The following EXD3 variants were observed in gnomAD, a reference collection of about 807,000 sequenced individuals.
The protein encoded by EXD3 is exonuclease mut-7 homolog.
Under a neutral mutation model 98.0 loss-of-function variants are expected in EXD3, and 92 were observed. That is an observed-to-expected ratio of 0.94 (90% confidence interval 0.79 to 1.12). The LOEUF is 1.12. Among genes scored for constraint, EXD3 ranks in the 50% most tolerant of loss-of-function variants. The pLI, the probability that EXD3 is intolerant of heterozygous loss-of-function variation, is 0.00. For missense variants in EXD3, 1,222 were observed against 1,191.6 expected (o/e 1.03, Z -0.38); for synonymous variants, 569 against 526.0 (o/e 1.08, Z -1.12).
At chr9:137,388,234 C>T (rs1489290150) in intron 2 of EXD3, among the ~76,000 whole-genome samples, 1 of 152,164 alleles carries the variant, frequency 6.6e-6, no homozygotes, top group African/African-American at 2.4e-5. Flanking sequence ...CAAAACGTGC[C>T]TGGGAGGGCT....
At chr9:137,420,465 T>A (rs1838459704) in intron 1 of EXD3, among the ~76,000 whole-genome samples, 1 of 152,242 alleles carries the variant, frequency 6.6e-6, no homozygotes, top group South Asian at 2.1e-4. Flanking sequence ...TCAGTAAGAA[T>A]CTGTTGTCCT....
intron 1 of EXD3, among the ~76,000 whole-genome samples, chr9:137,414,958 G>C (rs1838169181): frequency 6.6e-6 from 1 of 152,168 alleles, no homozygotes; most frequent in South Asian, 2.1e-4. Context: ...GGCGATCTCG[G>C]CTCACTGCAA....
intron 1 of EXD3, among the ~76,000 whole-genome samples, chr9:137,404,670 G>A (rs1171093712): frequency 1.3e-5 from 2 of 152,202 alleles, no homozygotes; most frequent in African/African-American, 4.8e-5. Flanking sequence ...AGACCAGCCT[G>A]ACCAACATGG....
rs538741617 is a variant in EXD3 at position 137,345,495 on chromosome 9, G to A, written c.1998+2576C>T. 3.9e-5 allele frequency among the ~76,000 whole-genome samples: 6 copies of A among 152,036 alleles called. 1 individual carries two copies. The highest frequency in any genetic ancestry group is 1.3e-4 in the Admixed American group (2 of 15,256). ...TGACCAACATGGAGAAACCCTGTCT[G>A]TACTAAAAATACAAAAATTAGTTGG... On this transcript the variant is annotated intron_variant, in intron 17 of 21. Transcript: ENST00000340951.
chr9:137,317,255 G>A lies in EXD3; in HGVS notation c.2184+6470C>T, dbSNP rs1409042763. 3.3e-5 allele frequency among the ~76,000 whole-genome samples: 5 copies of A among 152,144 alleles called. No individual in the cohort carries two copies. In the South Asian group the frequency reaches 8.3e-4, roughly 25 times the overall value. On this transcript the variant is annotated intron_variant, in intron 19 of 21. Coordinates refer to ENST00000340951, the MANE Select transcript of EXD3 (RefSeq NM_017820.5). ...GTTGGATGGGCAAAATGTGGCGACT[G>A]GACACAGACCCTACCTTGTCACCCT... is the stretch of plus-strand genomic sequence containing the variant.
Position 137,360,054 on chromosome 9 carries a change from T to A in EXD3, c.657-3686A>T, listed in dbSNP as rs73668257. 2.3e-5 allele frequency among the ~76,000 whole-genome samples: 2 copies of A among 86,434 alleles called. 1 individual carries two copies. The highest frequency in any genetic ancestry group is 5.7e-5 in the Non-Finnish European group (2 of 35,262). 56.7% of individuals were successfully genotyped at this position (86,434 alleles called of 152,430 possible). On this transcript the variant is annotated intron_variant, in intron 7 of 21. Coordinates refer to ENST00000340951, the MANE Select transcript of EXD3 (RefSeq NM_017820.5). Reference sequence around the variant, plus strand: ...GGGTTCTGGTTGCTCCATGTCCTTGTCACCACTTGGTATGTTCGACTTTTA... The same window carrying A: ...GGGTTCTGGTTGCTCCATGTCCTTGACACCACTTGGTATGTTCGACTTTTA...
At chr9:137,341,093 G>T (rs1190224055) in intron 17 of EXD3, among the ~76,000 whole-genome samples, 2 of 152,152 alleles carry the variant, frequency 1.3e-5, no homozygotes, top group Non-Finnish European at 1.5e-5. Flanking sequence ...AAGCAGGAGG[G>T]TCGCTCGAGG....
intron 5 of EXD3, among the ~76,000 whole-genome samples, chr9:137,370,932 C>T (rs531783482): frequency 3.3e-5 from 5 of 152,284 alleles, no homozygotes; most frequent in Admixed American, 6.5e-5. Context: ...CATGAAATAT[C>T]GCAGCACATT....
At chr9:137,313,709 A>G (rs1429604657) in intron 19 of EXD3, among the ~76,000 whole-genome samples, 1 of 152,074 alleles carries the variant, frequency 6.6e-6, no homozygotes, top group Non-Finnish European at 1.5e-5. Flanking sequence ...GGGATTTCCA[A>G]CCCTGCAGGC....
rs1217321295 is a variant in EXD3, at chr9:137,395,320, C to A, written c.38G>T (p.Gly13Val). 6.2e-7 allele frequency: 1 copy of A among 1,613,450 alleles called. No individual in the cohort carries two copies. Residue 13 changes from glycine (G) to valine (V), a missense_variant, in exon 2 of 22, where the codon GGC (glycine) becomes GTC (valine). By Grantham distance (109) the Gly-to-Val change is moderately radical. Transcript: ENST00000340951. This position sits in a 1 kb window ranked among gnomAD's most constrained non-coding sequence, Gnocchi z 6.5. ...AGACTCACCCATGCGGTGGCGCTCG[C>A]CAGCGGCAGGGTCACCAGCGGGATC... ...PGDPAGDPAA[G>V]ERHRMGRDPL...
intron 7 of EXD3, chr9:137,365,948 C>T (rs1454229492): frequency 2.1e-6 from 1 of 478,462 alleles, no homozygotes; most frequent in Non-Finnish European, 4.1e-6. Flanking sequence ...CAAACGTGCA[C>T]ACACGCACAT....
At chr9:137,333,688 T>G (rs937379005) in intron 17 of EXD3, among the ~76,000 whole-genome samples, 1 of 152,158 alleles carries the variant, frequency 6.6e-6, no homozygotes, top group African/African-American at 2.4e-5. Context: ...ACATGCAAAC[T>G]CTTGCTTTGC....
chr9:137,388,104 C>A (rs1836699388), intron 2 of EXD3, among the ~76,000 whole-genome samples: 1 of 152,166 alleles, frequency 6.6e-6, no homozygotes, highest in African/African-American at 2.4e-5. Flanking sequence ...GTCCCACAGT[C>A]CCCCGAATGT....
chr9:137,380,966 T>G (rs1474854988), intron 3 of EXD3, among the ~76,000 whole-genome samples: 2 of 146,598 alleles, frequency 1.4e-5, no homozygotes, highest in South Asian at 4.3e-4. Flanking sequence ...AGGCGTGGTG[T>G]TGCACACCTA....
chr9:137,308,015 G>A (rs376346213), intron 20 of EXD3, among the ~76,000 whole-genome samples: 27 of 116,084 alleles, frequency 2.3e-4, no homozygotes, highest in Admixed American at 1.1e-3. Flanking sequence ...AGTGAATTTC[G>A]AAATCAGCCA....
intron 7 of EXD3, among the ~76,000 whole-genome samples, chr9:137,364,097 C>T (rs2119285262): frequency 6.6e-6 from 1 of 152,250 alleles, no homozygotes; most frequent in African/African-American, 2.4e-5. Flanking sequence ...GAGCTTTCCT[C>T]CCTACTTCCC....
rs753436084 is a variant in EXD3 at position 137,348,238 on chromosome 9, C to T, written c.1831G>A (p.Val611Ile). The T allele has an allele frequency of 1.7e-5, 27 of 1,610,592 alleles. No individual in the cohort carries two copies. In the South Asian group the frequency reaches 2.9e-4, roughly 17 times the overall value. Residue 611 changes from valine (V) to isoleucine (I), a missense_variant and splice_region_variant, in exon 17 of 22, where the codon GTC becomes ATC. Val to Ile is a conservative substitution (Grantham distance 29, BLOSUM62 3). Transcript: ENST00000340951. Reference sequence around the variant, plus strand: ...TCAGACACAGCCACAGCCACAGGGACCTGCAGTGAGGCCCTGGTCAGCAGT... The same window carrying T: ...TCAGACACAGCCACAGCCACAGGGATCTGCAGTGAGGCCCTGGTCAGCAGT... Reference protein sequence around the residue: ...KASAPAAPRQVPVAVAVSEGA... With the variant: ...KASAPAAPRQIPVAVAVSEGA...
intron 7 of EXD3, chr9:137,365,574 TGCACACACAGGTACACAC>T (rs1835183768): frequency 1.9e-5 from 3 of 161,534 alleles, no homozygotes. Context: ...ATGAACACAG[TGCACACACAGGTACACAC>T]GCACACACAT....
chr9:137,373,496 G>C lies in EXD3; in HGVS notation c.224C>G (p.Ser75Cys). The change falls in exon 4 of 22, where the codon TCC becomes TGC. Residue 75 changes from serine to cysteine, a missense_variant. By Grantham distance (112) the Ser-to-Cys change is moderately radical (BLOSUM62 -1). Coordinates refer to ENST00000340951, the MANE Select transcript of EXD3 (RefSeq NM_017820.5). Reference sequence around the variant, plus strand: ...CTGGTGGGAGATCCAGGCCGCCAGGGAGGGGCCCTCTCCCCGCTGGCCCCG... The same window carrying C: ...CTGGTGGGAGATCCAGGCCGCCAGGCAGGGGCCCTCTCCCCGCTGGCCCCG... ...SCRGQRGEGP[S>C]LAAWISHQLQ... is the part of the protein sequence containing the mutation. 6.2e-7 allele frequency: 1 copy of C among 1,608,252 alleles called. No individual in the cohort carries two copies. The highest frequency in any genetic ancestry group is 8.5e-7 in the Non-Finnish European group (1 of 1,178,306).
Sources: allele counts gnomAD v4.1 joint callset (sites outside exome capture counted in the v4.1 genomes callset), GRCh38; gene constraint gnomAD v4.1.1; non-coding constraint Gnocchi (gnomAD v3.1); transcripts MANE v1.5; gene names NCBI Gene and HGNC (gene_info 2026-07-23, HGNC 2026-07-21).